The following WIF1 variants were observed in gnomAD, a reference collection of about 807,000 sequenced individuals.
WIF1 encodes Wnt inhibitory factor 1.
A neutral mutation model predicts 53.5 loss-of-function variants in WIF1; 35 were observed. That is an observed-to-expected ratio of 0.65 (90% CI 0.50 to 0.87). WIF1 has a LOEUF of 0.87. Among genes scored for constraint, WIF1 ranks in the 40% least tolerant of loss-of-function variants. The probability of loss-of-function intolerance (pLI) is 0.00; values close to 1 mark genes in which losing one functional copy is unlikely to be tolerated. For synonymous variants in WIF1, 171 were observed against 170.4 expected, an observed-to-expected ratio of 1.00 and a Z score of -0.03; for missense variants, 467 against 476.8, an observed-to-expected ratio of 0.98 and a Z score of 0.19.
At chr12:65,119,676 A>G (rs1883571030) in intron 2 of WIF1, among the ~76,000 whole-genome samples, 1 of 152,206 alleles carries the variant, frequency 6.6e-6, no homozygotes, top group African/African-American at 2.4e-5. Flanking sequence ...TGTCCTCTAG[A>G]GTAAATTCTC....
chr12:65,092,344 A>G (rs1883134995), intron 2 of WIF1, among the ~76,000 whole-genome samples: 1 of 151,752 alleles, frequency 6.6e-6, no homozygotes, highest in Admixed American at 6.6e-5. Flanking sequence ...TGACGGGTTG[A>G]TGGGTGCAGC....
rs1025965745 is a variant in WIF1, at chr12:65,107,726, C to T, written c.288+12691G>A. On this transcript the variant is annotated intron_variant, in intron 2 of 9. Transcript: ENST00000286574. Reference sequence around the variant, plus strand: ...ACATCCATTATTGATACTGAAATAGCCCTTGGAAACAAGGCATCCTAATAA... The same window carrying T: ...ACATCCATTATTGATACTGAAATAGTCCTTGGAAACAAGGCATCCTAATAA... Among the ~76,000 whole-genome samples the T allele has an allele frequency of 2.6e-5, 4 of 152,306 alleles. 1 individual carries two copies. In the Middle Eastern group the frequency reaches 0.01, roughly 389 times the overall value.
intron 2 of WIF1, among the ~76,000 whole-genome samples, chr12:65,081,684 GGCAGTTAC>G (rs1156651835): frequency 1.3e-5 from 2 of 152,054 alleles, no homozygotes; most frequent in Non-Finnish European, 1.5e-5. Context: ...ATCAGCAAAA[GGCAGTTAC>G]CAGAGTAAAT....
chr12:65,114,217 A>C (rs76226718), intron 2 of WIF1, among the ~76,000 whole-genome samples: 5,661 of 152,116 alleles, frequency 0.037, 146 homozygotes, highest in Middle Eastern at 0.075. Context: ...GGGAAAAAAA[A>C]CCACACTTTT....
At chr12:65,101,028 C>T (rs967641424) in intron 2 of WIF1, among the ~76,000 whole-genome samples, 43 of 152,138 alleles carry the variant, frequency 2.8e-4, no homozygotes, top group African/African-American at 9.2e-4. Context: ...ATGCTCTTTT[C>T]CCATTCTTCT....
rs1412638450 is a variant in WIF1, at chr12:65,120,400, A to G, written c.288+17T>C. 6.2e-7 allele frequency: 1 copy of G among 1,610,920 alleles called. No homozygotes were observed. The highest frequency in any genetic ancestry group is 8.5e-7 in the Non-Finnish European group (1 of 1,178,710). On this transcript the variant is annotated intron_variant, in intron 2 of 9. Transcript: ENST00000286574. ...AAGGCAGTGGAAATATTAAAGGGTA[A>G]TTTTCTCAGAACTTACCTGCCCTGC...
chr12:65,091,146 C>T (rs557432343), intron 2 of WIF1, among the ~76,000 whole-genome samples: 21 of 151,628 alleles, frequency 1.4e-4, no homozygotes, highest in Admixed American at 5.3e-4. Context: ...TAAAGGATAG[C>T]GGAATAAGTT....
chr12:65,108,744 C>T (rs1014688744), intron 2 of WIF1, among the ~76,000 whole-genome samples: 5 of 152,172 alleles, frequency 3.3e-5, no homozygotes, highest in East Asian at 3.8e-4. Context: ...TACCTCCATC[C>T]GTCACCAAAG....
intron 7 of WIF1, among the ~76,000 whole-genome samples, chr12:65,059,008 C>T (rs960727342): frequency 2.6e-5 from 4 of 151,386 alleles, no homozygotes; most frequent in African/African-American, 4.9e-5. Flanking sequence ...GCCAAGATGG[C>T]GCCACTGCAC....
At chr12:65,091,212 G>A (rs1045267874) in intron 2 of WIF1, among the ~76,000 whole-genome samples, 2 of 150,446 alleles carry the variant, frequency 1.3e-5, no homozygotes, top group Admixed American at 1.3e-4. Context: ...AACTCTACAG[G>A]GCAAAAACCT....
intron 2 of WIF1, among the ~76,000 whole-genome samples, chr12:65,108,715 A>T (rs1419386862): frequency 1.3e-5 from 2 of 152,098 alleles, no homozygotes; most frequent in Non-Finnish European, 2.9e-5. Context: ...CCTTGTCCTT[A>T]GTCAAGCATC....
intron 2 of WIF1, among the ~76,000 whole-genome samples, chr12:65,087,618 G>T (rs1225948342): frequency 6.6e-6 from 1 of 150,640 alleles, no homozygotes; most frequent in Non-Finnish European, 1.5e-5. Context: ...CTTATTCTTT[G>T]ATTTAAAAAA....
chr12:65,067,666 G>C (rs1440705077), intron 5 of WIF1, 29 bp downstream of exon 5: 4 of 1,599,086 alleles, frequency 2.5e-6, no homozygotes, highest in Non-Finnish European at 3.4e-6. Context: ...ATTAGGAAGG[G>C]AGCAAGGGAA....
intron 2 of WIF1, among the ~76,000 whole-genome samples, chr12:65,106,438 T>C (rs1490783247): frequency 1.3e-5 from 2 of 151,738 alleles, no homozygotes; most frequent in Admixed American, 6.6e-5. Flanking sequence ...TGGAGTGCAG[T>C]GATGTGCCTC....
intron 2 of WIF1, among the ~76,000 whole-genome samples, chr12:65,119,043 A>T (rs1883555733): frequency 6.6e-6 from 1 of 152,238 alleles, no homozygotes; most frequent in African/African-American, 2.4e-5. Flanking sequence ...TCAAAAATAT[A>T]GAATTAATTG....
chr12:65,119,211 G>A (rs928351232), intron 2 of WIF1, among the ~76,000 whole-genome samples: 1 of 152,168 alleles, frequency 6.6e-6, no homozygotes, highest in Admixed American at 6.5e-5. Flanking sequence ...GACTTGTAGG[G>A]AGAAAAGGAA....
chr12:65,115,152 G>A (rs1473913527), intron 2 of WIF1, among the ~76,000 whole-genome samples: 6 of 144,274 alleles, frequency 4.2e-5, no homozygotes, highest in Non-Finnish European at 7.5e-5. Context: ...CAGATGGCTC[G>A]GCATAAATCC....
intron 2 of WIF1, among the ~76,000 whole-genome samples, chr12:65,095,166 C>G (rs1883185743): frequency 6.6e-6 from 1 of 151,438 alleles, no homozygotes; most frequent in Non-Finnish European, 1.5e-5. Context: ...TCTTGAACTC[C>G]TGGGCTCAAG....
rs1882693185 is a variant in WIF1, at chr12:65,066,742, A to G, written c.635-6T>C. On this transcript the variant is annotated splice_region_variant and splice_polypyrimidine_tract_variant and intron_variant, in intron 5 of 9. Coordinates refer to ENST00000286574, the MANE Select transcript of WIF1 (RefSeq NM_007191.5). ...ACATCGTGGGGTACAAAGGGCTTAT[A>G]GGGAGAGAGAACCCTGATTAAGGCC... 1 of 1,588,320 alleles carries G rather than the reference A, an allele frequency of 6.3e-7. No homozygotes were observed. Among genetic ancestry groups the G allele is most frequent in the African/African-American group, 1.4e-5 (1 of 73,612 alleles).
Sources: gnomAD v4.1 joint callset for allele counts (sites outside exome capture counted in the v4.1 genomes callset) on GRCh38, gnomAD v4.1.1 for gene constraint, MANE v1.5 for transcripts, NCBI Gene and HGNC (gene_info 2026-07-23, HGNC 2026-07-21) for gene names.